The following CSMD1 variants were observed in gnomAD, a reference collection of about 807,000 sequenced individuals.
The protein encoded by CSMD1 is CUB and sushi domain-containing protein 1.
CSMD1 carries 213 observed loss-of-function variants against 417.5 expected under a neutral mutation model. The observed-to-expected ratio is 0.51, with a 90% CI of 0.46 to 0.57. The LOEUF is 0.57. Among genes scored for constraint, CSMD1 ranks in the 20% least tolerant of loss-of-function variants. CSMD1 has a pLI of 0.00. For synonymous variants in CSMD1, 2,862 were observed against 1,736.8 expected (o/e 1.65, Z -16.11); for missense variants, 6,923 against 4,529.7 (o/e 1.53, Z -15.17).
At chr8:3,605,552 G>T (rs1231752490) in intron 8 of CSMD1, among the ~76,000 whole-genome samples, 1 of 152,186 alleles carries the variant, frequency 6.6e-6, no homozygotes, top group Non-Finnish European at 1.5e-5. Context: ...CATGGGCTAT[G>T]GATTTGTTTC....
intron 3 of CSMD1, among the ~76,000 whole-genome samples, chr8:4,245,187 G>A (rs1392861105): frequency 6.6e-6 from 1 of 152,186 alleles, no homozygotes; most frequent in Non-Finnish European, 1.5e-5. Flanking sequence ...TTAGTGGCAT[G>A]CTGTCAAACA....
chr8:4,648,672 C>A (rs1033081590), intron 1 of CSMD1, among the ~76,000 whole-genome samples: 23 of 152,118 alleles, frequency 1.5e-4, no homozygotes, highest in Non-Finnish European at 4.4e-5. Context: ...CATGTTTCAC[C>A]TTTTACTGGA....
At chr8:4,050,868 C>T (rs73658553) in intron 3 of CSMD1, among the ~76,000 whole-genome samples, 5,789 of 152,204 alleles carry the variant, frequency 0.038, 349 homozygotes, top group African/African-American at 0.12. Context: ...TGAAAGGGCA[C>T]TTCTAATACT....
In CSMD1 at chr8:3,354,893, ATCTATAGATCTATCTATAGATATGTC is replaced by A. The variant is rs1477445583; in HGVS notation, c.3304+4233_3304+4258del. Reference sequence around the variant, plus strand: ...TATACATATATCTATAGATATGTCTATCTATAGATCTATCTATAGATATGTCTATCTATAGATATAGATATATATAG... The same window carrying A: ...TATACATATATCTATAGATATGTCTATATCTATAGATATAGATATATATAG... On this transcript the variant is annotated intron_variant, in intron 21 of 69. Coordinates refer to ENST00000635120, the MANE Select transcript of CSMD1 (RefSeq NM_033225.6). 1.9e-4 allele frequency among the ~76,000 whole-genome samples: 29 copies of A among 150,282 alleles called. 1 individual carries two copies. The highest frequency in any genetic ancestry group is 1.1e-3 in the Admixed American group (16 of 15,000).
At chr8:3,936,502 C>G (rs1810507569) in intron 5 of CSMD1, among the ~76,000 whole-genome samples, 1 of 152,158 alleles carries the variant, frequency 6.6e-6, no homozygotes, top group Non-Finnish European at 1.5e-5. Context: ...ACAAAAATCC[C>G]AGGATCCTTA....
At chr8:4,212,480 G>A (rs1341799193) in intron 3 of CSMD1, among the ~76,000 whole-genome samples, 2 of 152,074 alleles carry the variant, frequency 1.3e-5, no homozygotes, top group South Asian at 2.1e-4. Context: ...TTTCAGACTG[G>A]CAGATGGAAG....
chr8:3,487,580 T>G (rs560266578), intron 11 of CSMD1, among the ~76,000 whole-genome samples: 1 of 152,208 alleles, frequency 6.6e-6, no homozygotes, highest in African/African-American at 2.4e-5. Flanking sequence ...GTATTCTACA[T>G]CCACCAAAGT....
At chr8:4,691,046 G>T (rs868802362) in intron 1 of CSMD1, among the ~76,000 whole-genome samples, 1 of 152,104 alleles carries the variant, frequency 6.6e-6, no homozygotes, top group Non-Finnish European at 1.5e-5. Context: ...TTTACGCCGT[G>T]CTTTGAAACA....
chr8:4,382,107 A>G (rs17070109), intron 3 of CSMD1, among the ~76,000 whole-genome samples: 6,247 of 152,248 alleles, frequency 0.041, 391 homozygotes, highest in African/African-American at 0.13. Flanking sequence ...ACTGTAATTA[A>G]TATAGAATGC....
At chr8:4,457,992 T>A (rs1799590108) in intron 2 of CSMD1, among the ~76,000 whole-genome samples, 1 of 152,206 alleles carries the variant, frequency 6.6e-6, no homozygotes. Flanking sequence ...GCACTTCCCC[T>A]GAGAGGTAGT....
chr8:4,167,577 C>A (rs1185205900), intron 3 of CSMD1, among the ~76,000 whole-genome samples: 1 of 152,064 alleles, frequency 6.6e-6, no homozygotes, highest in Non-Finnish European at 1.5e-5. Context: ...AAAAATTCAA[C>A]CATTTAAGGA....
intron 5 of CSMD1, among the ~76,000 whole-genome samples, chr8:3,871,988 T>C (rs1391114013): frequency 6.6e-6 from 1 of 152,186 alleles, no homozygotes; most frequent in Non-Finnish European, 1.5e-5. Flanking sequence ...ACCTGCACTA[T>C]TTCCTATGCA....
intron 32 of CSMD1, 28 bp from the exon 33 acceptor site, chr8:3,199,837 G>C (rs1257483967): frequency 7.0e-7 from 1 of 1,418,812 alleles, no homozygotes; most frequent in Non-Finnish European, 9.8e-7. Flanking sequence ...GACAGATTCA[G>C]AAAACACACA....
intron 2 of CSMD1, among the ~76,000 whole-genome samples, chr8:4,486,128 TATATATATACATAC>T (rs1563223495): frequency 0.045 from 1,630 of 36,310 alleles, 81 homozygotes; most frequent in African/African-American, 0.14. Context: ...CATACATATA[TATATATATACATAC>T]ATATATATAT....
intron 3 of CSMD1, among the ~76,000 whole-genome samples, chr8:4,410,715 G>T (rs922236193): frequency 2.0e-5 from 3 of 152,156 alleles, no homozygotes; most frequent in African/African-American, 2.4e-5. Flanking sequence ...TGGGAGAGAA[G>T]TATGTACAGA....
intron 7 of CSMD1, among the ~76,000 whole-genome samples, chr8:3,690,286 C>G (rs537571665): frequency 6.6e-6 from 1 of 152,166 alleles, no homozygotes; most frequent in Non-Finnish European, 1.5e-5. Context: ...CGTTTGAGCC[C>G]AGGAGGTGGC....
intron 12 of CSMD1, among the ~76,000 whole-genome samples, chr8:3,468,032 G>T (rs901661088): frequency 3.9e-5 from 6 of 152,046 alleles, no homozygotes; most frequent in Non-Finnish European, 8.8e-5. Flanking sequence ...TACCAATGAA[G>T]GAACCAATAA....
intron 1 of CSMD1, among the ~76,000 whole-genome samples, chr8:4,682,778 G>A (rs1468829817): frequency 6.6e-6 from 1 of 151,142 alleles, no homozygotes; most frequent in South Asian, 2.1e-4. Context: ...CCTTCAGTAA[G>A]TATATACGAA....
intron 1 of CSMD1, among the ~76,000 whole-genome samples, chr8:4,913,693 C>T (rs1429064876): frequency 6.6e-6 from 1 of 152,110 alleles, no homozygotes; most frequent in Admixed American, 6.5e-5. Flanking sequence ...CATGCTTTTC[C>T]TGACTACAAT....
Sources: gnomAD v4.1 joint callset for allele counts (sites outside exome capture counted in the v4.1 genomes callset) on GRCh38, gnomAD v4.1.1 for gene constraint, MANE v1.5 for transcripts, NCBI Gene and HGNC (gene_info 2026-07-23, HGNC 2026-07-21) for gene names.